ERC1: variants seen among roughly 807,000 people sequenced by gnomAD.
The protein encoded by ERC1 is RAB6 interacting protein 2.
A neutral mutation model predicts 132.0 loss-of-function variants in ERC1; 56 were observed. The ratio of observed to expected loss-of-function variants is 0.42; its 90% CI spans 0.34 to 0.53. The LOEUF (loss-of-function observed/expected upper bound fraction) is 0.53, where lower values mean the gene tolerates loss of function less well. Ranked by LOEUF, ERC1 falls within the 20% of genes least tolerant of loss-of-function variation. The pLI is 0.03. For missense variants in ERC1, 1,202 were observed against 1,349.9 expected, an observed-to-expected ratio of 0.89 and a Z score of 1.72; for synonymous variants, 478 against 476.1, an observed-to-expected ratio of 1.00 and a Z score of -0.05.
chr12:1,205,954 C>T (rs1957318292), intron 12 of ERC1, among the ~76,000 whole-genome samples: 1 of 151,980 alleles, frequency 6.6e-6, no homozygotes, highest in Non-Finnish European at 1.5e-5. Context: ...GACCGTGAAG[C>T]CATTGGTATA....
chr12:1,255,946 G>T (rs1236631601), intron 13 of ERC1, among the ~76,000 whole-genome samples: 1 of 152,008 alleles, frequency 6.6e-6, no homozygotes, highest in African/African-American at 2.4e-5. Flanking sequence ...CATTCTAACA[G>T]GTGTGAGATG....
intron 15 of ERC1, among the ~76,000 whole-genome samples, chr12:1,331,963 TG>T (rs1249295035): frequency 3.3e-5 from 5 of 152,230 alleles, no homozygotes; most frequent in Non-Finnish European, 1.5e-5. Context: ...TGAAGACTCC[TG>T]GATTTCAGGA....
intron 16 of ERC1, among the ~76,000 whole-genome samples, chr12:1,388,345 CAAA>C (rs34634557): frequency 0.072 from 6,136 of 84,976 alleles, 164 homozygotes; most frequent in African/African-American, 0.13. Flanking sequence ...GACTCTGTCT[CAAA>C]AAAAAAAAAA....
chr12:1,120,795 G>A (rs983245393), intron 7 of ERC1, among the ~76,000 whole-genome samples: 17 of 152,174 alleles, frequency 1.1e-4, no homozygotes, highest in Admixed American at 8.5e-4. Context: ...ATAGTAAGAG[G>A]AAGTGGTTCT....
At chr12:1,341,088 TTTTTTTTTTTTTTTTTTTTTTTTG>T (rs1205272278) in intron 15 of ERC1, among the ~76,000 whole-genome samples, 1 of 70,884 alleles carries the variant, frequency 1.4e-5, no homozygotes, top group Admixed American at 1.5e-4. Flanking sequence ...TTTTTTTTTT[TTTTTTTTTTTTTTTTTTTTTTTTG>T]AGGCAGAGTC....
chr12:1,478,750 C>T (rs1192985897), intron 18 of ERC1, among the ~76,000 whole-genome samples: 1 of 151,346 alleles, frequency 6.6e-6, no homozygotes, highest in Non-Finnish European at 1.5e-5. Flanking sequence ...GATCGCACCA[C>T]TGCACTCCAG....
chr12:1,083,013 AT>A (rs1452003898), intron 2 of ERC1, 150 bp from the exon 3 acceptor site: 22 of 645,256 alleles, frequency 3.4e-5, no homozygotes, highest in Non-Finnish European at 5.5e-5. Context: ...TATCTCAATC[AT>A]TTTTTAAGGA....
chr12:1,170,133 A>G (rs1263632238), intron 8 of ERC1, among the ~76,000 whole-genome samples: 1 of 152,188 alleles, frequency 6.6e-6, no homozygotes, highest in African/African-American at 2.4e-5. Flanking sequence ...TTGGTATAAT[A>G]TTACACTTAC....
At chr12:1,144,464 A>C (rs1950139923) in intron 8 of ERC1, among the ~76,000 whole-genome samples, 1 of 151,926 alleles carries the variant, frequency 6.6e-6, no homozygotes, top group African/African-American at 2.4e-5. Flanking sequence ...TTGCATCCTC[A>C]TAGCTTAGCT....
intron 7 of ERC1, among the ~76,000 whole-genome samples, chr12:1,137,064 C>G (rs1949314339): frequency 7.0e-6 from 1 of 142,592 alleles, no homozygotes; most frequent in East Asian, 2.1e-4. Flanking sequence ...CTCACCAGTT[C>G]TTTTTTCTTT....
intron 17 of ERC1, among the ~76,000 whole-genome samples, chr12:1,432,052 A>T (rs2092812035): frequency 1.3e-5 from 2 of 152,034 alleles, no homozygotes; most frequent in African/African-American, 4.8e-5. Flanking sequence ...CTGACTTTTT[A>T]AACTTTTTGT....
intron 14 of ERC1, among the ~76,000 whole-genome samples, chr12:1,287,912 G>A (rs1198169993): frequency 2.6e-5 from 4 of 152,080 alleles, no homozygotes; most frequent in Admixed American, 6.5e-5. Context: ...TTTATTTCTC[G>A]TTCACATACA....
chr12:1,489,366 C>T (rs987246937), intron 18 of ERC1, among the ~76,000 whole-genome samples: 5 of 152,236 alleles, frequency 3.3e-5, no homozygotes, highest in Non-Finnish European at 7.3e-5. Context: ...TGCCACAGCA[C>T]ATGCTCAAGC....
At chr12:1,316,606 A>G (rs111663148) in intron 15 of ERC1, among the ~76,000 whole-genome samples, 5,263 of 152,304 alleles carry the variant, frequency 0.035, 95 homozygotes, top group Middle Eastern at 0.075. Context: ...AGGATTTGGA[A>G]AAATAGGAAC....
chr12:1,178,487 T>G (rs963122423), intron 8 of ERC1, among the ~76,000 whole-genome samples: 3 of 152,124 alleles, frequency 2.0e-5, no homozygotes, highest in African/African-American at 7.2e-5. Context: ...CTATAATGAT[T>G]GATAGATAGA....
intron 7 of ERC1, among the ~76,000 whole-genome samples, chr12:1,137,989 A>AAT (rs992664505): frequency 7.4e-6 from 1 of 136,002 alleles, no homozygotes; most frequent in Non-Finnish European, 1.5e-5. Context: ...TAGTATATAT[A>AAT]ATATATATTA....
At chr12:1,004,277 T>C (rs918770955) in intron 1 of ERC1, among the ~76,000 whole-genome samples, 3 of 152,188 alleles carry the variant, frequency 2.0e-5, no homozygotes, top group African/African-American at 2.4e-5. Flanking sequence ...AATGTTAAAA[T>C]GTGTCCAGTG....
At chr12:1,484,087 C>CTT (rs1356718908) in intron 18 of ERC1, among the ~76,000 whole-genome samples, 2 of 109,258 alleles carry the variant, frequency 1.8e-5, no homozygotes, top group South Asian at 2.8e-4. Flanking sequence ...GGGCGGATCA[C>CTT]GAGGTCAGGA....
chr12:1,411,704 G>A (rs1468518786), intron 17 of ERC1, among the ~76,000 whole-genome samples: 2 of 152,174 alleles, frequency 1.3e-5, no homozygotes, highest in African/African-American at 2.4e-5. Flanking sequence ...TAGTTTACTG[G>A]TCTCTTAGAA....
Sources: gnomAD v4.1 joint callset for allele counts (sites outside exome capture counted in the v4.1 genomes callset) on GRCh38, gnomAD v4.1.1 for gene constraint, MANE v1.5 for transcripts, NCBI Gene and HGNC (gene_info 2026-07-23, HGNC 2026-07-21) for gene names.